The following PTPRQ variants were observed in gnomAD, a reference collection of about 807,000 sequenced individuals.
PTPRQ encodes phosphatidylinositol phosphatase PTPRQ.
Under a neutral mutation model 246.0 loss-of-function variants are expected in PTPRQ, and 199 were observed. The ratio of observed to expected loss-of-function variants is 0.81; its 90% CI spans 0.72 to 0.91. The LOEUF (loss-of-function observed/expected upper bound fraction) is 0.91. Among genes scored for constraint, PTPRQ ranks in the 40% least tolerant of loss-of-function variants. PTPRQ has a pLI of 0.00. For missense variants in PTPRQ, 2,624 were observed against 2,528.4 expected, an observed-to-expected ratio of 1.04 and a Z score of -0.81; for synonymous variants, 869 against 853.2, an observed-to-expected ratio of 1.02 and a Z score of -0.32.
chr12:80,602,025 T>A (rs1285082760), intron 26 of PTPRQ, among the ~76,000 whole-genome samples: 1 of 151,720 alleles, frequency 6.6e-6, no homozygotes, highest in East Asian at 1.9e-4. Flanking sequence ...TCAAATCGAA[T>A]CCTGGAGCAT....
chr12:80,651,282 A>G (rs1900249646), intron 37 of PTPRQ, among the ~76,000 whole-genome samples: 1 of 152,254 alleles, frequency 6.6e-6, no homozygotes, highest in South Asian at 2.1e-4. Context: ...TTATGGTAAG[A>G]ACTGCAGATG....
chr12:80,604,960 T>C (rs1277935407), intron 26 of PTPRQ, 99 bp from the exon 27 acceptor site: 1 of 1,186,060 alleles, frequency 8.4e-7, no homozygotes, highest in Non-Finnish European at 1.1e-6. Context: ...TTAAAATTAA[T>C]TTATTATGAC....
chr12:80,663,645 T>C (rs937160445), intron 39 of PTPRQ, among the ~76,000 whole-genome samples: 2 of 152,028 alleles, frequency 1.3e-5, no homozygotes, highest in East Asian at 1.9e-4. Flanking sequence ...GTCATAATTA[T>C]TGATGATGTC....
At chr12:80,672,206 C>A in intron 42 of PTPRQ, among the ~76,000 whole-genome samples, 1 of 151,800 alleles carries the variant, frequency 6.6e-6, no homozygotes, top group Middle Eastern at 3.2e-3. Flanking sequence ...GGACTATAAA[C>A]TCTGTAAGTG....
chr12:80,464,250 C>T (rs1893318714), intron 6 of PTPRQ, among the ~76,000 whole-genome samples: 2 of 133,014 alleles, frequency 1.5e-5, no homozygotes, highest in Non-Finnish European at 3.2e-5. Flanking sequence ...TTTAAACCAA[C>T]AAAGATCAAA....
At chr12:80,522,730 A>G (rs1305163597) in intron 17 of PTPRQ, among the ~76,000 whole-genome samples, 1 of 152,156 alleles carries the variant, frequency 6.6e-6, no homozygotes, top group Non-Finnish European at 1.5e-5. Context: ...ATCATGGTGG[A>G]TAAGCTTTTT....
In PTPRQ at chr12:80,595,679, AG is replaced by A. The variant is rs769167676; in HGVS notation, c.4609+7228del. 4.8e-4 allele frequency among the ~76,000 whole-genome samples: 73 copies of A among 151,736 alleles called. No homozygotes were observed. The Middle Eastern group carries it at 0.017, about 35-fold the overall frequency. On this transcript the variant is annotated intron_variant, in intron 26 of 44. Transcript: ENST00000644991. ...TGCTGCACCCATTAACTCATCATTT[AG>A]CATTAGGTATATCTCCTAAAGCTAT... is the stretch of plus-strand genomic sequence containing the variant.
chr12:80,671,888 C>G (rs2121288583), intron 42 of PTPRQ, among the ~76,000 whole-genome samples: 1 of 152,144 alleles, frequency 6.6e-6, no homozygotes. Context: ...ACCCCACACT[C>G]CTCACTGTAC....
intron 27 of PTPRQ, among the ~76,000 whole-genome samples, chr12:80,609,255 T>C (rs1898454578): frequency 6.7e-6 from 1 of 150,142 alleles, no homozygotes; most frequent in South Asian, 2.1e-4. Flanking sequence ...ATTTACAATA[T>C]AGTTATACCA....
intron 35 of PTPRQ, among the ~76,000 whole-genome samples, chr12:80,640,957 C>T (rs567786951): frequency 1.2e-4 from 18 of 152,244 alleles, no homozygotes; most frequent in South Asian, 4.1e-4. Flanking sequence ...ATCAACATGA[C>T]GCAAGAGTTG....
At position 80,541,598 on chromosome 12, in the gene PTPRQ, G is replaced by T. The variant is rs563223115; in HGVS notation, c.3198G>T (p.Ser1066=). Residue 1066 remains serine, a synonymous_variant, in exon 21 of 45, where the codon TCG becomes TCT. Transcript: ENST00000644991. ...FVGNLTYESI[S]STAINVSWVP... ...GAAACCTGACTTACGAATCCATTTC[G>T]TCAACTGCAATAAATGTAAGCTGGG... 1.4e-5 allele frequency: 22 copies of T among 1,538,906 alleles called. No homozygotes were observed. Among genetic ancestry groups the T allele is most frequent in the Non-Finnish European group, 1.9e-5 (22 of 1,140,510 alleles).
intron 39 of PTPRQ, among the ~76,000 whole-genome samples, chr12:80,664,718 A>G (rs983750699): frequency 2.6e-5 from 4 of 151,958 alleles, no homozygotes; most frequent in Non-Finnish European, 5.9e-5. Flanking sequence ...ATACTAAGCA[A>G]GCACAACACT....
At chr12:80,556,801 A>G (rs1896659266) in intron 25 of PTPRQ, among the ~76,000 whole-genome samples, 1 of 152,298 alleles carries the variant, frequency 6.6e-6, no homozygotes, top group Non-Finnish European at 1.5e-5. Flanking sequence ...TTCAAGATAC[A>G]GCAAGAGAAA....
chr12:80,451,263 C>T (rs868403079), intron 3 of PTPRQ, among the ~76,000 whole-genome samples: 1,505 of 143,460 alleles, frequency 0.01, 10 homozygotes, highest in Middle Eastern at 0.035. Context: ...TTTGATTCTT[C>T]TCTCTTTTCT....
At chr12:80,663,160 G>T (rs1447865842) in intron 39 of PTPRQ, among the ~76,000 whole-genome samples, 1 of 151,446 alleles carries the variant, frequency 6.6e-6, no homozygotes, top group East Asian at 1.9e-4. Context: ...GTATTAAAAA[G>T]AAATATAAAA....
intron 26 of PTPRQ, among the ~76,000 whole-genome samples, chr12:80,589,769 G>A (rs1047236514): frequency 1.3e-5 from 2 of 151,926 alleles, no homozygotes; most frequent in Non-Finnish European, 2.9e-5. Context: ...TTGACACTTG[G>A]TTTCTGTAAG....
In PTPRQ at chr12:80,506,215, A is replaced by G. The variant is rs1592593455; in HGVS notation, c.2455+9A>G. On this transcript the variant is annotated intron_variant, in intron 15 of 44. Coordinates refer to ENST00000644991, the MANE Select transcript of PTPRQ (RefSeq NM_001145026.2). ...AACCCAAAACATTAAAGGTAAAAGA[A>G]CAAATCTAATATTGGATATTTGCAT... The G allele has an allele frequency of 1.4e-6, 2 of 1,461,858 alleles. No homozygotes were observed. Among genetic ancestry groups the G allele is most frequent in the Non-Finnish European group, 9.1e-7 (1 of 1,103,858 alleles). 90.6% of individuals were successfully genotyped at this position (1,461,858 alleles called of 1,614,324 possible). A position where few individuals can be genotyped will look rare whatever the true frequency, so the allele number is the denominator to read the frequency against.
rs779625975 is a variant in PTPRQ at position 80,542,304 on chromosome 12, G to A, written c.3661G>A (p.Ala1221Thr). 1.5e-5 allele frequency: 23 copies of A among 1,548,828 alleles called. No individual in the cohort carries two copies. Among genetic ancestry groups the A allele is most frequent in the South Asian group, 8.4e-5 (7 of 83,306 alleles). ...TACATTATATAGCTTTTTTGCTGCC[G>A]CAAGAACTAGAAAAGGACTTGGTCC... ...PFTLYSFFAA[A>T]RTRKGLGPSS... The change falls in exon 22 of 45, where the codon GCA becomes ACA. Residue 1221 changes from alanine (A) to threonine (T), a missense_variant. Transcript: ENST00000644991.
chr12:80,597,749 G>A (rs966152408), intron 26 of PTPRQ, among the ~76,000 whole-genome samples: 16 of 151,928 alleles, frequency 1.1e-4, no homozygotes, highest in African/African-American at 3.4e-4. Context: ...CTGGAGGACT[G>A]TTAATTACTA....
Sources: allele counts gnomAD v4.1 joint callset (sites outside exome capture counted in the v4.1 genomes callset), GRCh38; gene constraint gnomAD v4.1.1; transcripts MANE v1.5; gene names NCBI Gene and HGNC (gene_info 2026-07-23, HGNC 2026-07-21).